Variants in PHTF1 observed in about 807,000 individuals in gnomAD.
The protein encoded by PHTF1 is putative homeodomain transcription factor 1, also known as protein PHTF1.
PHTF1 carries 88 observed loss-of-function variants against 102.4 expected under a neutral mutation model. The observed-to-expected ratio is 0.86, with a 90% CI of 0.72 to 1.03. The LOEUF (loss-of-function observed/expected upper bound fraction) is 1.03. PHTF1 is among the 50% of genes least tolerant of loss of function. PHTF1 has a pLI of 0.00. For missense variants in PHTF1, 814 were observed against 909.5 expected (o/e 0.89, Z 1.35); for synonymous variants, 289 against 305.2 (o/e 0.95, Z 0.55).
rs369014767 is a variant in PHTF1, at chr1:113,726,425, T to C, written c.481A>G (p.Arg161Gly). ...TRPSGNNGNR[R>G]RRKLRKTVNG... ...TGTAATTTCTCATCTTACCTTCTTC[T>C]TCGATTTCCATTGTTTCCTGATGGT... is the stretch of plus-strand genomic sequence containing the variant. The change falls in exon 6 of 19, where the codon AGA (arginine) becomes GGA (glycine). Residue 161 changes from arginine to glycine, a missense_variant. Coordinates refer to ENST00000369604, the MANE Select transcript of PHTF1 (RefSeq NM_001323043.2). 1 of 1,606,222 alleles carries C rather than the reference T, an allele frequency of 6.2e-7. No individual in the cohort carries two copies. Among genetic ancestry groups the C allele is most frequent in the African/African-American group, 1.3e-5 (1 of 74,772 alleles).
intron 15 of PHTF1, 112 bp from the exon 16 acceptor site, chr1:113,701,061 T>G (rs1649388535): frequency 1.3e-6 from 1 of 774,862 alleles, no homozygotes. Context: ...ATTTTAATAC[T>G]GAAAGCAGAA....
intron 7 of PHTF1, among the ~76,000 whole-genome samples, chr1:113,715,580 G>A (rs1378253457): frequency 2.1e-5 from 3 of 141,144 alleles, no homozygotes; most frequent in South Asian, 2.4e-4. Flanking sequence ...CCTAGGAGGT[G>A]GAGTTTGCAG....
rs761474212 is a variant in PHTF1, at chr1:113,726,593, A to G, written c.332-19T>C. On this transcript the variant is annotated intron_variant, in intron 5 of 18. Coordinates refer to ENST00000369604, the MANE Select transcript of PHTF1 (RefSeq NM_001323043.2). Reference sequence around the variant, plus strand: ...GCTATAACTGAAAAGAAGAGGTTTTAAGATGTAAAACATTAGAGCTCTTCT... The same window carrying G: ...GCTATAACTGAAAAGAAGAGGTTTTGAGATGTAAAACATTAGAGCTCTTCT... 3.7e-5 allele frequency: 55 copies of G among 1,482,682 alleles called. No homozygotes were observed. The highest frequency in any genetic ancestry group is 1.1e-4 in the Admixed American group (5 of 44,584). 91.8% of individuals were successfully genotyped at this position (1,482,682 alleles called of 1,614,324 possible). A position where few individuals can be genotyped will look rare whatever the true frequency, so the allele number is the denominator to read the frequency against.
intron 3 of PHTF1, among the ~76,000 whole-genome samples, chr1:113,745,758 T>A (rs1657134826): frequency 6.6e-6 from 1 of 152,200 alleles, no homozygotes; most frequent in Non-Finnish European, 1.5e-5. Flanking sequence ...TAATGCCTGA[T>A]GATCTGTCAC....
At chr1:113,722,970 A>T (rs1278700851) in intron 7 of PHTF1, among the ~76,000 whole-genome samples, 5 of 150,478 alleles carry the variant, frequency 3.3e-5, no homozygotes, top group African/African-American at 1.2e-4. Context: ...AAATAAAAAT[A>T]AAAATTATAT....
intron 5 of PHTF1, among the ~76,000 whole-genome samples, chr1:113,734,428 T>C (rs1655169956): frequency 6.6e-6 from 1 of 152,180 alleles, no homozygotes; most frequent in Non-Finnish European, 1.5e-5. Flanking sequence ...AGAAATAATA[T>C]GTTATTAGAA....
At chr1:113,751,431 T>C (rs1178513742) in intron 3 of PHTF1, among the ~76,000 whole-genome samples, 1 of 152,208 alleles carries the variant, frequency 6.6e-6, no homozygotes, top group African/African-American at 2.4e-5. Flanking sequence ...TTTGATCTGT[T>C]TTCTATTTCT....
At position 113,750,725 on chromosome 1, in the gene PHTF1, G is replaced by A. The variant is rs532462168; in HGVS notation, c.102+6974C>T. ...ACAAAAATTAGCTGGGCATGGTGGC[G>A]TGCGCCTGTAATCCCAGCCACTCGG... On this transcript the variant is annotated intron_variant, in intron 3 of 18. Transcript: ENST00000369604. Among the ~76,000 whole-genome samples, 14 of 151,796 alleles carry A rather than the reference G, an allele frequency of 9.2e-5. No individual in the cohort carries two copies. The South Asian group carries it at 2.1e-3, about 23-fold the overall frequency.
At chr1:113,749,102 T>C (rs1486671511) in intron 3 of PHTF1, among the ~76,000 whole-genome samples, 1 of 152,220 alleles carries the variant, frequency 6.6e-6, no homozygotes, top group African/African-American at 2.4e-5. Flanking sequence ...TAGTCACCAA[T>C]GTTATACAAT....
chr1:113,756,770 T>G (rs374383176), intron 3 of PHTF1, among the ~76,000 whole-genome samples: 1 of 152,328 alleles, frequency 6.6e-6, no homozygotes, highest in South Asian at 2.1e-4. Flanking sequence ...AAACTGGCAT[T>G]CTGAATTATA....
chr1:113,723,029 A>C (rs1653234466), intron 7 of PHTF1, among the ~76,000 whole-genome samples: 1 of 152,028 alleles, frequency 6.6e-6, no homozygotes, highest in South Asian at 2.1e-4. Context: ...AGTAAAAACA[A>C]CAAAACTGAA....
chr1:113,756,943 AG>A (rs1174078441), intron 3 of PHTF1, among the ~76,000 whole-genome samples: 1 of 152,180 alleles, frequency 6.6e-6, no homozygotes, highest in Non-Finnish European at 1.5e-5. Context: ...GGAGGTGAGC[AG>A]ATCACAAGGT....
chr1:113,709,260 T>C (rs1378568776), intron 11 of PHTF1, among the ~76,000 whole-genome samples: 1 of 152,078 alleles, frequency 6.6e-6, no homozygotes, highest in African/African-American at 2.4e-5. Context: ...AATGAGAAAA[T>C]TTACACTGTT....
chr1:113,758,912 G>A (rs1368851848), intron 1 of PHTF1, 111 bp downstream of exon 1: 1 of 1,236,694 alleles, frequency 8.1e-7, no homozygotes, highest in Non-Finnish European at 1.0e-6. Context: ...GACCGGAGAA[G>A]CCTCTGCAAT....
At chr1:113,722,368 G>GGTGGAGCTTGCA (rs1331040310) in intron 7 of PHTF1, among the ~76,000 whole-genome samples, 1 of 151,932 alleles carries the variant, frequency 6.6e-6, no homozygotes, top group Non-Finnish European at 1.5e-5. Flanking sequence ...GAACCCAGGA[G>GGTGGAGCTTGCA]GTGGAGCTTG....
chr1:113,725,832 G>A (rs1653740730), intron 6 of PHTF1: 3 of 153,192 alleles, frequency 2.0e-5, no homozygotes, highest in East Asian at 3.8e-4. Context: ...GCTGGGTGTG[G>A]TGGCATACGC....
chr1:113,708,557 T>A (rs547755390), intron 11 of PHTF1, among the ~76,000 whole-genome samples: 57 of 152,024 alleles, frequency 3.7e-4, no homozygotes, highest in Non-Finnish European at 5.2e-4. Flanking sequence ...CACTTGAGCC[T>A]GGAAGGCGGA....
At chr1:113,755,524 C>T (rs1206344736) in intron 3 of PHTF1, among the ~76,000 whole-genome samples, 2 of 152,082 alleles carry the variant, frequency 1.3e-5, no homozygotes, top group Admixed American at 6.6e-5. Flanking sequence ...TAAAAGCATA[C>T]ATTAAGGCGT....
At position 113,704,666 on chromosome 1, in the gene PHTF1, CT is replaced by C; in HGVS notation, c.1802del (p.Lys601ArgfsTer19). 6.3e-7 allele frequency: 1 copy of C among 1,580,174 alleles called. No homozygotes were observed. Among genetic ancestry groups the C allele is most frequent in the Non-Finnish European group, 8.6e-7 (1 of 1,161,282 alleles). On this transcript the variant is annotated frameshift_variant and splice_region_variant, in exon 14 of 19. Coordinates refer to ENST00000369604, the MANE Select transcript of PHTF1 (RefSeq NM_001323043.2). LOFTEE classifies it high-confidence loss of function. ...KIWLSLRSYL[K>X]RRGPQRSVDV... Reference sequence around the variant, plus strand: ...CTATTGTTAATCAAATAAAACTCACCTTTAGATAGGAACGCAGTGATAACCA... The same window carrying C: ...CTATTGTTAATCAAATAAAACTCACCTTAGATAGGAACGCAGTGATAACCA...
Sources: gnomAD v4.1 joint callset for allele counts (sites outside exome capture counted in the v4.1 genomes callset) on GRCh38, gnomAD v4.1.1 for gene constraint, MANE v1.5 for transcripts, NCBI Gene and HGNC (gene_info 2026-07-23, HGNC 2026-07-21) for gene names.